The following CDK11A variants were observed in gnomAD, a reference collection of about 807,000 sequenced individuals.
CDK11A encodes the protein cyclin-dependent kinase 11A.
CDK11A carries 55 observed loss-of-function variants against 83.6 expected under a neutral mutation model. That is an observed-to-expected ratio of 0.66 (90% CI 0.53 to 0.82). CDK11A has a LOEUF of 0.82. CDK11A is among the 40% of genes least tolerant of loss of function. CDK11A has a pLI of 0.00. For synonymous variants in CDK11A, 247 were observed against 302.7 expected, an observed-to-expected ratio of 0.82 and a Z score of 1.91; for missense variants, 564 against 810.1, an observed-to-expected ratio of 0.70 and a Z score of 3.69.
rs1644262123 is a variant in CDK11A, at chr1:1,705,104, G to A, written c.1337-79C>T. The A allele has an allele frequency of 1.1e-5, 17 of 1,508,456 alleles. 2 individuals are homozygous for A. Among genetic ancestry groups the A allele is most frequent in the African/African-American group, 5.7e-5 (3 of 52,492 alleles). The allele number at this position is 1,508,456 out of a possible 1,614,324, so 93.4% of individuals were successfully genotyped here. A position where few individuals can be genotyped will look rare whatever the true frequency, so the allele number is the denominator to read the frequency against. On this transcript the variant is annotated intron_variant, in intron 12 of 19. Transcript: ENST00000404249. ...ACAGTGGACTCGTTCAGTGAGGACC[G>A]CAGGCAGTGCCCAAAGCGCCAGCAT...
At position 1,704,958 on chromosome 1, in the gene CDK11A, C is replaced by T; in HGVS notation, c.1404G>A (p.Leu468=). 9 of 1,598,140 alleles carry T rather than the reference C, an allele frequency of 5.6e-6. No homozygotes were observed. Among genetic ancestry groups the T allele is most frequent in the Non-Finnish European group, 7.7e-6 (9 of 1,173,122 alleles). The stretch of plus-strand genomic sequence containing the variant: ...CCTTGAGGATGGTGTTGATCTCCCT[C>T]AGGGACGTGATCGGGAAGCCCTCCT... The part of the protein sequence containing the change: ...KEKEGFPITS[L]REINTILKAQ... The change falls in exon 13 of 20, where the codon CTG becomes CTA. Residue 468 remains leucine, a synonymous_variant. Transcript: ENST00000404249.
chr1:1,705,978 C>G (rs900687911), intron 11 of CDK11A, among the ~76,000 whole-genome samples: 24 of 150,122 alleles, frequency 1.6e-4, no homozygotes, highest in African/African-American at 5.7e-4. Flanking sequence ...TGCAAGGGCT[C>G]AGGCCTGTAA....
chr1:1,719,131 C>G lies in CDK11A; in HGVS notation c.355+197G>C, dbSNP rs1570430707. 4 of 385,964 alleles carry G rather than the reference C, an allele frequency of 1.0e-5. No individual in the cohort carries two copies. In the East Asian group the frequency reaches 2.1e-4, roughly 20 times the overall value. 23.9% of individuals were successfully genotyped at this position (385,964 alleles called of 1,614,324 possible). Reference sequence around the variant, plus strand: ...CTAGAGTTTGCTCTCTATAGCCCCTCTGAATGGTCTGTGACACATGCATGC... The same window carrying G: ...CTAGAGTTTGCTCTCTATAGCCCCTGTGAATGGTCTGTGACACATGCATGC... On this transcript the variant is annotated intron_variant, in intron 4 of 19. Transcript: ENST00000404249.
chr1:1,722,448 G>A (rs957440829), intron 2 of CDK11A: 16 of 707,434 alleles, frequency 2.3e-5, no homozygotes, highest in Middle Eastern at 8.6e-4. Flanking sequence ...ATAATGAACC[G>A]AGAAAAATTA....
At chr1:1,706,046 C>G (rs1023863685) in intron 11 of CDK11A, among the ~76,000 whole-genome samples, 33 of 149,604 alleles carry the variant, frequency 2.2e-4, no homozygotes, top group Middle Eastern at 6.9e-3. Flanking sequence ...AGTTCAAGAC[C>G]AGCCTGGCCA....
Position 1,708,864 on chromosome 1 carries a change from CTCCTCCTCT to C in CDK11A, c.924_932del (p.Glu319_Glu321del), listed in dbSNP as rs1557786943. ...CCTCCTCCTCTTCCTCTTCCTCCTC[CTCCTCCTCT>C]GATTCTTCACTGGTGCTCCCTTCCT... is the stretch of plus-strand genomic sequence containing the variant. On this transcript the variant is annotated inframe_deletion, in exon 9 of 20. Coordinates refer to ENST00000404249, the MANE Select transcript of CDK11A (RefSeq NM_024011.4). 1 of 373,310 alleles carries C rather than the reference CTCCTCCTCT, an allele frequency of 2.7e-6. No individual in the cohort carries two copies. Among genetic ancestry groups the C allele is most frequent in the Non-Finnish European group, 4.8e-6 (1 of 209,294 alleles). The allele number at this position is 373,310 out of a possible 1,614,324, so 23.1% of individuals were successfully genotyped here.
chr1:1,719,970 G>A (rs1394172540), intron 3 of CDK11A, among the ~76,000 whole-genome samples: 1 of 150,720 alleles, frequency 6.6e-6, no homozygotes, highest in Non-Finnish European at 1.5e-5. Flanking sequence ...TGTGCAGATG[G>A]AACGAAATGC....
At position 1,706,618 on chromosome 1, in the gene CDK11A, C is replaced by A. The variant is rs149672113; in HGVS notation, c.1245+791G>T. 7.6e-3 allele frequency among the ~76,000 whole-genome samples: 1,147 copies of A among 151,514 alleles called. 38 individuals are homozygous for A. The highest frequency in any genetic ancestry group is 0.027 in the African/African-American group (1,100 of 41,328). Reference sequence around the variant, plus strand: ...GTCCCCTGCTTGTACCAGGATGACACTGAGGACGGGCCCTACCTGCCAGGC... The same window carrying A: ...GTCCCCTGCTTGTACCAGGATGACAATGAGGACGGGCCCTACCTGCCAGGC... On this transcript the variant is annotated intron_variant, in intron 11 of 19. Transcript: ENST00000404249.
rs1229862056 is a variant in CDK11A, at chr1:1,702,468, G to C, written c.*439C>G. Among the ~76,000 whole-genome samples the C allele has an allele frequency of 8.4e-6, 1 of 119,714 alleles. No homozygotes were observed. Among genetic ancestry groups the C allele is most frequent in the African/African-American group, 2.9e-5 (1 of 35,002 alleles). The allele number at this position is 119,714 out of a possible 152,430, so 78.5% of individuals were successfully genotyped here. The stretch of plus-strand genomic sequence containing the variant: ...GAGTCTGCTGGCACAGCTGGGGCTG[G>C]GGGTTGGGGGCCGGGGGCCTGTGTG... On this transcript the variant is annotated 3_prime_UTR_variant, in exon 20 of 20. Transcript: ENST00000404249.
chr1:1,720,875 AG>A (rs1644880111), intron 3 of CDK11A, among the ~76,000 whole-genome samples: 1 of 151,126 alleles, frequency 6.6e-6, no homozygotes, highest in South Asian at 2.1e-4. Context: ...TATTTGTAGT[AG>A]AGACAGGCTT....
intron 2 of CDK11A, among the ~76,000 whole-genome samples, chr1:1,722,089 A>C (rs1644927117): frequency 6.6e-6 from 1 of 150,958 alleles, no homozygotes; most frequent in African/African-American, 2.4e-5. Flanking sequence ...CCTGGGCGAC[A>C]GTGCGAGATT....
chr1:1,705,959 C>G (rs942136052), intron 11 of CDK11A, among the ~76,000 whole-genome samples: 2 of 149,430 alleles, frequency 1.3e-5, no homozygotes, highest in East Asian at 2.0e-4. Flanking sequence ...AAAGGCCATC[C>G]CAGCCAGGTG....
intron 6 of CDK11A, among the ~76,000 whole-genome samples, chr1:1,712,033 G>C (rs965525278): frequency 4.9e-5 from 6 of 123,646 alleles, no homozygotes; most frequent in Admixed American, 3.6e-4. Context: ...CGGAGGCTGA[G>C]GCAGGAGGAT....
At position 1,702,683 on chromosome 1, in the gene CDK11A, G is replaced by C; in HGVS notation, c.*224C>G. The stretch of plus-strand genomic sequence containing the variant: ...TGTGTGGAGGTTTGTGCTGCCCCAC[G>C]TGGGCACCCGAAGATGCCCTGGCAA... On this transcript the variant is annotated 3_prime_UTR_variant, in exon 20 of 20. Coordinates refer to ENST00000404249, the MANE Select transcript of CDK11A (RefSeq NM_024011.4). The C allele has an allele frequency of 1.7e-6, 1 of 603,538 alleles. No individual in the cohort carries two copies. Among genetic ancestry groups the C allele is most frequent in the South Asian group, 2.0e-5 (1 of 50,956 alleles). 37.4% of individuals were successfully genotyped at this position (603,538 alleles called of 1,614,324 possible).
chr1:1,718,007 G>A (rs1327340622), intron 4 of CDK11A, among the ~76,000 whole-genome samples: 1 of 141,226 alleles, frequency 7.1e-6, no homozygotes, highest in Non-Finnish European at 1.5e-5. Flanking sequence ...GCTCTGTCTG[G>A]TTTTCGGTCT....
intron 2 of CDK11A, 175 bp from the exon 3 acceptor site, chr1:1,721,886 C>G: frequency 1.3e-6 from 1 of 766,054 alleles, no homozygotes; most frequent in Non-Finnish European, 1.8e-6. Flanking sequence ...TGCAGTGGCT[C>G]ACGCTTGTTA....
Position 1,716,919 on chromosome 1 carries a change from C to CTT in CDK11A, c.356-443_356-442dup, listed in dbSNP as rs758439009. Among the ~76,000 whole-genome samples, 172 of 117,692 alleles carry CTT rather than the reference C, an allele frequency of 1.5e-3. 9 individuals are homozygous for CTT. Among genetic ancestry groups the CTT allele is most frequent in the African/African-American group, 5.4e-3 (163 of 30,196 alleles). The allele number at this position is 117,692 out of a possible 152,430, so 77.2% of individuals were successfully genotyped here. On this transcript the variant is annotated intron_variant, in intron 4 of 19. Coordinates refer to ENST00000404249, the MANE Select transcript of CDK11A (RefSeq NM_024011.4). ...AATAATGATGTTAAGTAATCCTAATCTTTTTTTTTTTTTTTTTGAAGAGAC... is the reference window on the plus strand; with the variant it reads ...AATAATGATGTTAAGTAATCCTAATCTTTTTTTTTTTTTTTTTTTGAAGAGAC...
At chr1:1,721,496 A>G in intron 3 of CDK11A, 100 bp downstream of exon 3, 1 of 1,362,282 alleles carries the variant, frequency 7.3e-7, no homozygotes. Flanking sequence ...GTAAACCTTA[A>G]TAGTTACAAT....
At position 1,724,293 on chromosome 1, in the gene CDK11A, A is replaced by G. The variant is rs1645020470; in HGVS notation, c.-49T>C. On this transcript the variant is annotated 5_prime_UTR_variant, in exon 1 of 20. Transcript: ENST00000404249. ...CCGCGGCCGGTCCCTGAGCCTGAGA[A>G]GAAACAGCAACCGGCGCTCGCCAGA... is the stretch of plus-strand genomic sequence containing the variant. The G allele has an allele frequency of 6.6e-6, 1 of 151,684 alleles. No homozygotes were observed. Among genetic ancestry groups the G allele is most frequent in the South Asian group, 2.1e-4 (1 of 4,792 alleles). 9.4% of individuals were successfully genotyped at this position (151,684 alleles called of 1,614,324 possible). A position where few individuals can be genotyped will look rare whatever the true frequency, so the allele number is the denominator to read the frequency against.
Sources: allele counts gnomAD v4.1 joint callset (sites outside exome capture counted in the v4.1 genomes callset), GRCh38; gene constraint gnomAD v4.1.1; transcripts MANE v1.5; gene names NCBI Gene and HGNC (gene_info 2026-07-23, HGNC 2026-07-21).